The following HSPH1 variants were observed in gnomAD, a reference collection of about 807,000 sequenced individuals.
The protein encoded by HSPH1 is heat shock protein family H (Hsp110) member 1.
HSPH1 carries 40 observed loss-of-function variants against 100.0 expected under a neutral mutation model. The ratio of observed to expected loss-of-function variants is 0.40; its 90% confidence interval spans 0.31 to 0.52. HSPH1 has a LOEUF of 0.52. Among genes scored for constraint, HSPH1 ranks in the 20% least tolerant of loss-of-function variants. The pLI, the probability that HSPH1 is intolerant of heterozygous loss-of-function variation, is 0.54. For missense variants in HSPH1, 876 were observed against 1,015.1 expected (o/e 0.86, Z 1.86); for synonymous variants, 403 against 344.0 (o/e 1.17, Z -1.90).
At position 31,152,967 on chromosome 13, in the gene HSPH1, A is replaced by G; in HGVS notation, c.430-16T>C. The G allele has an allele frequency of 2.6e-6, 4 of 1,557,316 alleles. No homozygotes were observed. The highest frequency in any genetic ancestry group is 3.5e-6 in the Non-Finnish European group (4 of 1,129,936). On this transcript the variant is annotated splice_polypyrimidine_tract_variant and intron_variant, in intron 4 of 17. Coordinates refer to ENST00000320027, the MANE Select transcript of HSPH1 (RefSeq NM_006644.4). The stretch of plus-strand genomic sequence containing the variant: ...AGGAGGGGACCTACAAACAAACAAA[A>G]AATTTTGAATTATCTAGAACACAAA...
intron 8 of HSPH1, 51 bp downstream of exon 8, chr13:31,149,903 G>A: frequency 7.1e-7 from 1 of 1,408,220 alleles, no homozygotes. Flanking sequence ...GACATCCAGT[G>A]GAAACTGTTT....
intron 12 of HSPH1, 59 bp downstream of exon 12, chr13:31,143,733 T>C (rs1956178166): frequency 7.1e-7 from 1 of 1,405,098 alleles, no homozygotes. Context: ...TTTAATGATA[T>C]CATTAATGAT....
rs1281452422 is a variant in HSPH1 at position 31,147,167 on chromosome 13, C to T, written c.1378+792G>A. On this transcript the variant is annotated intron_variant, in intron 10 of 17. Coordinates refer to ENST00000320027, the MANE Select transcript of HSPH1 (RefSeq NM_006644.4). ...TGGGATTTTATCTTCCACACAGTAA[C>T]GAGTTAATGCACAGATTCCAATTTA... 7.2e-5 allele frequency among the ~76,000 whole-genome samples: 11 copies of T among 152,244 alleles called. No individual in the cohort carries two copies. In the East Asian group the frequency reaches 1.7e-3, roughly 24 times the overall value.
In HSPH1 at chr13:31,138,335, T is replaced by C. The variant is rs530105994; in HGVS notation, c.2370+72A>G. The stretch of plus-strand genomic sequence containing the variant: ...AAGATTTACAGGAAAAATGGCTATG[T>C]TGAAGGTTCAAATGATTGCAACTTG... On this transcript the variant is annotated intron_variant, in intron 17 of 17. Transcript: ENST00000320027. 2.3e-5 allele frequency: 32 copies of C among 1,401,366 alleles called. No homozygotes were observed. The Admixed American group carries it at 2.9e-4, about 13-fold the overall frequency. 86.8% of individuals were successfully genotyped at this position (1,401,366 alleles called of 1,614,324 possible). A position where few individuals can be genotyped will look rare whatever the true frequency, so the allele number is the denominator to read the frequency against.
upstream of HSPH1, chr13:31,162,243 G>A (rs1260812927): frequency 2.7e-6 from 2 of 748,440 alleles, no homozygotes; most frequent in South Asian, 1.7e-5. Flanking sequence ...ACCGGGAGGT[G>A]GTGTCCGATC....
At chr13:31,155,023 C>T (rs1956631195) in intron 3 of HSPH1, among the ~76,000 whole-genome samples, 2 of 152,258 alleles carry the variant, frequency 1.3e-5, no homozygotes, top group South Asian at 4.1e-4. Context: ...AGATATACCC[C>T]ACCCAAAATC....
At chr13:31,146,412 T>C (rs1034785971) in intron 10 of HSPH1, among the ~76,000 whole-genome samples, 2 of 152,196 alleles carry the variant, frequency 1.3e-5, no homozygotes, top group African/African-American at 4.8e-5. Context: ...AAGCAGTCCT[T>C]GTCTCCTCCT....
At chr13:31,155,385 G>A in intron 3 of HSPH1, 129 bp downstream of exon 3, 1 of 621,148 alleles carries the variant, frequency 1.6e-6, no homozygotes, top group Admixed American at 3.3e-5. Context: ...TACTTTAAAA[G>A]GAGCTGAATA....
chr13:31,155,720 A>G, intron 2 of HSPH1, 66 bp from the exon 3 acceptor site: 1 of 1,376,898 alleles, frequency 7.3e-7, no homozygotes, highest in Non-Finnish European at 1.0e-6. Context: ...TAATTTTAGT[A>G]ATTTTATTTA....
At chr13:31,145,968 A>T (rs542230692) in intron 10 of HSPH1, among the ~76,000 whole-genome samples, 200 bp from the exon 11 acceptor site, 4 of 152,036 alleles carry the variant, frequency 2.6e-5, no homozygotes, top group African/African-American at 9.7e-5. Flanking sequence ...AATACAAATT[A>T]AAAAAATGAA....
intron 7 of HSPH1, 65 bp downstream of exon 7, chr13:31,150,882 C>A: frequency 6.7e-7 from 1 of 1,503,140 alleles, no homozygotes; most frequent in South Asian, 1.3e-5. Context: ...CCCACTAGAA[C>A]TGACACCTGG....
At chr13:31,162,018 C>G, upstream of HSPH1, 1 of 1,536,178 alleles carries the variant, frequency 6.5e-7, no homozygotes, top group Non-Finnish European at 8.7e-7. Flanking sequence ...GCCACTTCCG[C>G]TTCCTTCTTC....
Position 31,161,466 on chromosome 13 carries a change from T to G in HSPH1, c.107+10A>C. The G allele has an allele frequency of 6.2e-7, 1 of 1,613,760 alleles. No individual in the cohort carries two copies. Among genetic ancestry groups the G allele is most frequent in the Non-Finnish European group, 8.5e-7 (1 of 1,179,840 alleles). On this transcript the variant is annotated intron_variant, in intron 1 of 17. Transcript: ENST00000320027. ...CCTCCTCCCATCCACCCTCGCAGAC[T>G]CCCACTTACGGGGTGCACCGGTCGC...
rs1043942199 is a variant in HSPH1, at chr13:31,137,598, C to T, written c.2371-74G>A. On this transcript the variant is annotated intron_variant, in intron 17 of 17. Transcript: ENST00000320027. The stretch of plus-strand genomic sequence containing the variant: ...TCATTTTCAACTGCTTCTCCACATA[C>T]TCAACCCACTATTTTTCTACCAACT... The T allele has an allele frequency of 7.1e-5, 73 of 1,031,692 alleles. 1 individual carries two copies. The South Asian group carries it at 1.1e-3, about 16-fold the overall frequency. 63.9% of individuals were successfully genotyped at this position (1,031,692 alleles called of 1,614,324 possible).
At chr13:31,143,295 G>A (rs1956162708) in intron 12 of HSPH1, among the ~76,000 whole-genome samples, 1 of 152,074 alleles carries the variant, frequency 6.6e-6, no homozygotes. Flanking sequence ...TACTGTGGAA[G>A]CAGGACAAAA....
Position 31,161,577 on chromosome 13 carries a change from C to G in HSPH1, c.6G>C (p.Ser2=), listed in dbSNP as rs758077929. M[S]VVGLDVGSQS... ...GCGAGCCCACGTCCAACCCCACCACCGACATGGCCGGCTCGCGGTCCGCCT... is the reference window on the plus strand; with the variant it reads ...GCGAGCCCACGTCCAACCCCACCACGGACATGGCCGGCTCGCGGTCCGCCT... Residue 2 remains serine, a synonymous_variant, in exon 1 of 18, where the codon TCG becomes TCC. Coordinates refer to ENST00000320027, the MANE Select transcript of HSPH1 (RefSeq NM_006644.4). 1 of 1,613,050 alleles carries G rather than the reference C, an allele frequency of 6.2e-7. No homozygotes were observed. The highest frequency in any genetic ancestry group is 2.2e-5 in the East Asian group (1 of 44,856).
At chr13:31,152,800 C>T in intron 5 of HSPH1, 52 bp downstream of exon 5, 1 of 1,198,676 alleles carries the variant, frequency 8.3e-7, no homozygotes, top group Non-Finnish European at 1.2e-6. Context: ...GCACTGAGAA[C>T]ATCTTTAGTT....
rs552321822 is a variant in HSPH1 at position 31,158,422 on chromosome 13, G to A, written c.165+384C>T. Among the ~76,000 whole-genome samples the A allele has an allele frequency of 1.9e-4, 29 of 151,922 alleles. No homozygotes were observed. The South Asian group carries it at 5.6e-3, about 29-fold the overall frequency. ...AAACTAGCTGGGCGTGGTGACACGC[G>A]CCTGTAATCCCACCTACTCAGGAGG... On this transcript the variant is annotated intron_variant, in intron 2 of 17. Coordinates refer to ENST00000320027, the MANE Select transcript of HSPH1 (RefSeq NM_006644.4).
intron 8 of HSPH1, among the ~76,000 whole-genome samples, chr13:31,149,265 T>C (rs1040396161): frequency 6.6e-6 from 1 of 152,152 alleles, no homozygotes; most frequent in African/African-American, 2.4e-5. Flanking sequence ...TTTATAAGTA[T>C]ACAAAGGCAG....
Sources: gnomAD v4.1 joint callset for allele counts (sites outside exome capture counted in the v4.1 genomes callset) on GRCh38, gnomAD v4.1.1 for gene constraint, MANE v1.5 for transcripts, NCBI Gene and HGNC (gene_info 2026-07-23, HGNC 2026-07-21) for gene names.